NRG3: variants seen among roughly 807,000 people sequenced by gnomAD.
The protein encoded by NRG3 is pro-neuregulin-3, membrane-bound isoform.
Under a neutral mutation model 66.9 loss-of-function variants are expected in NRG3, and 31 were observed. The ratio of observed to expected loss-of-function variants is 0.46; its 90% CI spans 0.35 to 0.63. The LOEUF is 0.63. Among genes scored for constraint, NRG3 ranks in the 20% least tolerant of loss-of-function variants. The pLI, the probability that NRG3 is intolerant of heterozygous loss-of-function variation, is 0.00. For missense variants in NRG3, 910 were observed against 878.9 expected (o/e 1.04, Z -0.45); for synonymous variants, 393 against 359.4 (o/e 1.09, Z -1.06).
At chr10:82,964,400 C>G (rs753331594) in intron 6 of NRG3, among the ~76,000 whole-genome samples, 7 of 152,142 alleles carry the variant, frequency 4.6e-5, no homozygotes, top group African/African-American at 1.2e-4. Context: ...CATGAAGAAT[C>G]CCCCTGGTGA....
chr10:82,124,265 A>G (rs75834538), intron 1 of NRG3, among the ~76,000 whole-genome samples: 7,170 of 152,012 alleles, frequency 0.047, 543 homozygotes, highest in African/African-American at 0.16. Flanking sequence ...TTTGGCAGGT[A>G]ACTTGAACTC....
intron 1 of NRG3, among the ~76,000 whole-genome samples, chr10:81,949,416 C>T (rs1432495564): frequency 6.6e-6 from 1 of 152,098 alleles, no homozygotes; most frequent in Non-Finnish European, 1.5e-5. Flanking sequence ...GTAAAATCTA[C>T]AGTGATGCAA....
At chr10:82,021,362 C>A (rs2062052436) in intron 1 of NRG3, among the ~76,000 whole-genome samples, 3 of 152,080 alleles carry the variant, frequency 2.0e-5, no homozygotes, top group Non-Finnish European at 4.4e-5. Flanking sequence ...TTTCAGACAA[C>A]ATACCAGAGG....
At chr10:82,195,610 A>G (rs1034987521) in intron 1 of NRG3, among the ~76,000 whole-genome samples, 3 of 152,138 alleles carry the variant, frequency 2.0e-5, no homozygotes, top group Non-Finnish European at 4.4e-5. Context: ...TATCACCTGC[A>G]CCACAGATAC....
intron 1 of NRG3, among the ~76,000 whole-genome samples, chr10:82,130,335 G>A (rs10884238): frequency 0.13 from 19,348 of 151,650 alleles, 2,125 homozygotes; most frequent in African/African-American, 0.3. Context: ...CCATTAACTC[G>A]TCATTTACAT....
intron 1 of NRG3, among the ~76,000 whole-genome samples, chr10:82,003,294 G>A (rs1288268511): frequency 6.6e-6 from 1 of 152,180 alleles, no homozygotes; most frequent in Non-Finnish European, 1.5e-5. Flanking sequence ...ATGTCAAACA[G>A]GCAACTGAAT....
intron 6 of NRG3, among the ~76,000 whole-genome samples, chr10:82,971,208 C>T (rs1303353131): frequency 6.6e-6 from 1 of 152,112 alleles, no homozygotes; most frequent in Non-Finnish European, 1.5e-5. Flanking sequence ...CAGACACCTC[C>T]CACCAGGCCT....
chr10:81,901,153 C>T (rs1844033609), intron 1 of NRG3, among the ~76,000 whole-genome samples: 1 of 152,160 alleles, frequency 6.6e-6, no homozygotes, highest in African/African-American at 2.4e-5. Context: ...TGTGGACTGT[C>T]TCACATGACA....
chr10:82,668,233 G>T lies in NRG3; in HGVS notation c.954-70344G>T, dbSNP rs1444468374. Among the ~76,000 whole-genome samples the T allele has an allele frequency of 2.0e-5, 3 of 152,188 alleles. No individual in the cohort carries two copies. In the South Asian group the frequency reaches 6.2e-4, roughly 32 times the overall value. ...TGGCAGAATGTCTAAAATTAGCTAG[G>T]TTCTCTGGAAATGCAGAACTATTTA... On this transcript the variant is annotated intron_variant, in intron 2 of 8. Coordinates refer to ENST00000372141, the MANE Select transcript of NRG3 (RefSeq NM_001010848.4).
chr10:82,885,754 G>T (rs61858778), intron 4 of NRG3, among the ~76,000 whole-genome samples: 49,793 of 152,050 alleles, frequency 0.33, 8,615 homozygotes, highest in East Asian at 0.55. Context: ...TTGAGACGGG[G>T]TTTCACCGTG....
At chr10:82,116,575 A>G (rs549190157) in intron 1 of NRG3, among the ~76,000 whole-genome samples, 12 of 152,318 alleles carry the variant, frequency 7.9e-5, no homozygotes, top group African/African-American at 2.9e-4. Flanking sequence ...TTTTAAAATA[A>G]CGAAAGCTTG....
chr10:82,418,904 C>A (rs567193890), intron 2 of NRG3, among the ~76,000 whole-genome samples: 1 of 152,056 alleles, frequency 6.6e-6, no homozygotes, highest in Non-Finnish European at 1.5e-5. Context: ...ATAAATCAGT[C>A]AGATATTTAA....
At chr10:81,966,976 A>G (rs186893726) in intron 1 of NRG3, among the ~76,000 whole-genome samples, 2 of 152,178 alleles carry the variant, frequency 1.3e-5, no homozygotes, top group Admixed American at 1.3e-4. Flanking sequence ...TGCTTTTAAT[A>G]GGAGATAGGT....
intron 3 of NRG3, among the ~76,000 whole-genome samples, chr10:82,746,477 A>C (rs1408947372): frequency 1.3e-5 from 2 of 152,102 alleles, no homozygotes; most frequent in Admixed American, 6.5e-5. Flanking sequence ...GGACATGCTC[A>C]CTATATTGTA....
chr10:82,608,840 A>G (rs1225972900), intron 2 of NRG3, among the ~76,000 whole-genome samples: 2 of 152,078 alleles, frequency 1.3e-5, no homozygotes, highest in Non-Finnish European at 2.9e-5. Context: ...TGACTCACAC[A>G]CACAATTAGA....
chr10:82,375,687 C>T (rs1274277031), intron 2 of NRG3, among the ~76,000 whole-genome samples: 1 of 152,142 alleles, frequency 6.6e-6, no homozygotes, highest in Non-Finnish European at 1.5e-5. Context: ...TTCTAAACCT[C>T]GGCTTTTCTG....
At chr10:82,121,343 G>C (rs771596722) in intron 1 of NRG3, among the ~76,000 whole-genome samples, 16 of 152,164 alleles carry the variant, frequency 1.1e-4, no homozygotes, top group Non-Finnish European at 2.2e-4. Flanking sequence ...TATTGGATCT[G>C]CCATTGTACC....
chr10:82,380,818 TAATATTA>T (rs1202211514), intron 2 of NRG3, among the ~76,000 whole-genome samples: 7 of 152,254 alleles, frequency 4.6e-5, no homozygotes, highest in South Asian at 2.1e-4. Flanking sequence ...GAGAAATTCT[TAATATTA>T]ACACTCCAGA....
chr10:82,548,905 A>G (rs192202606), intron 2 of NRG3, among the ~76,000 whole-genome samples: 1 of 152,300 alleles, frequency 6.6e-6, no homozygotes, highest in East Asian at 1.9e-4. Flanking sequence ...GCGGACAATC[A>G]TGCTTTGGGC....
Sources: allele counts gnomAD v4.1 joint callset (sites outside exome capture counted in the v4.1 genomes callset), GRCh38; gene constraint gnomAD v4.1.1; transcripts MANE v1.5; gene names NCBI Gene and HGNC (gene_info 2026-07-23, HGNC 2026-07-21).